The following TCF7L2 variants were observed in gnomAD, a reference collection of about 807,000 sequenced individuals.
TCF7L2 encodes the protein transcription factor 7 like 2.
Under a neutral mutation model 77.9 loss-of-function variants are expected in TCF7L2, and 23 were observed. The ratio of observed to expected loss-of-function variants is 0.30; its 90% CI spans 0.21 to 0.42. TCF7L2 has a LOEUF of 0.42. TCF7L2 is among the 10% of genes least tolerant of loss of function. TCF7L2 has a pLI of 1.00. For synonymous variants in TCF7L2, 413 were observed against 340.2 expected, an observed-to-expected ratio of 1.21 and a Z score of -2.36; for missense variants, 654 against 793.1, an observed-to-expected ratio of 0.82 and a Z score of 2.11.
At chr10:113,100,013 CCTCTCT>C (rs894234241) in intron 5 of TCF7L2, among the ~76,000 whole-genome samples, 25 of 152,292 alleles carry the variant, frequency 1.6e-4, no homozygotes, top group African/African-American at 5.8e-4. Context: ...ACTCCCTCTA[CCTCTCT>C]CTTAGCAGGC....
intron 5 of TCF7L2, among the ~76,000 whole-genome samples, chr10:113,063,778 C>A (rs2056843482): frequency 6.6e-6 from 1 of 152,044 alleles, no homozygotes; most frequent in Non-Finnish European, 1.5e-5. Context: ...TGAAAGAGTT[C>A]TTTAGGAAAA....
chr10:112,970,891 A>T (rs916008975), intron 4 of TCF7L2, among the ~76,000 whole-genome samples: 34 of 152,218 alleles, frequency 2.2e-4, no homozygotes, highest in African/African-American at 7.7e-4. Flanking sequence ...GCTGTAGCAG[A>T]CTTAGGCTGT....
At chr10:113,098,121 T>C (rs972988356) in intron 5 of TCF7L2, among the ~76,000 whole-genome samples, 1 of 151,714 alleles carries the variant, frequency 6.6e-6, no homozygotes, top group East Asian at 1.9e-4. Context: ...AGGTAGGTCC[T>C]TTCCCTGCCC....
chr10:113,080,215 C>A (rs549752390), intron 5 of TCF7L2, among the ~76,000 whole-genome samples: 2 of 151,842 alleles, frequency 1.3e-5, no homozygotes, highest in Non-Finnish European at 2.9e-5. Context: ...TTTTGGGTGG[C>A]GCAAGAGATA....
chr10:113,008,736 T>C (rs1357259860), intron 4 of TCF7L2, among the ~76,000 whole-genome samples: 1 of 152,192 alleles, frequency 6.6e-6, no homozygotes, highest in East Asian at 1.9e-4. Context: ...AAAACCATGC[T>C]TGGGAGCGCC....
At chr10:113,012,723 C>T (rs2046664981) in intron 4 of TCF7L2, among the ~76,000 whole-genome samples, 1 of 152,158 alleles carries the variant, frequency 6.6e-6, no homozygotes, top group African/African-American at 2.4e-5. Flanking sequence ...CTAAACCATT[C>T]ATTTCTGTAG....
At chr10:112,995,946 C>T (rs2043390716) in intron 4 of TCF7L2, among the ~76,000 whole-genome samples, 1 of 152,186 alleles carries the variant, frequency 6.6e-6, no homozygotes, top group Non-Finnish European at 1.5e-5. Flanking sequence ...TTTCCAGTGA[C>T]TGTAGGGATA....
intron 5 of TCF7L2, among the ~76,000 whole-genome samples, chr10:113,111,336 C>T (rs1428709131): frequency 1.3e-5 from 2 of 152,114 alleles, no homozygotes; most frequent in East Asian, 3.8e-4. Flanking sequence ...CTATCTATCC[C>T]TAGTGCCTAG....
intron 5 of TCF7L2, 96 bp downstream of exon 5, chr10:113,040,222 CT>C: frequency 1.9e-6 from 2 of 1,080,102 alleles, no homozygotes; most frequent in Non-Finnish European, 2.7e-6. Flanking sequence ...TCATTTTTTT[CT>C]TTCTTTAAAC....
At chr10:113,043,485 G>A (rs967559896) in intron 5 of TCF7L2, among the ~76,000 whole-genome samples, 2 of 152,174 alleles carry the variant, frequency 1.3e-5, no homozygotes, top group Non-Finnish European at 2.9e-5. Flanking sequence ...GTGTTCAGAG[G>A]AGAGAGGAAA....
chr10:113,116,451 T>C (rs575039013), intron 5 of TCF7L2, among the ~76,000 whole-genome samples: 1 of 152,366 alleles, frequency 6.6e-6, no homozygotes, highest in African/African-American at 2.4e-5. Flanking sequence ...TTAAAATATG[T>C]AGTCTCTGTT....
intron 13 of TCF7L2, among the ~76,000 whole-genome samples, chr10:113,164,377 A>G (rs929970367): frequency 1.3e-5 from 2 of 152,180 alleles, no homozygotes; most frequent in Non-Finnish European, 2.9e-5. Context: ...TTTCTGGTTT[A>G]AACACGAATC....
intron 5 of TCF7L2, among the ~76,000 whole-genome samples, chr10:113,097,868 A>G (rs1184537430): frequency 1.3e-5 from 2 of 151,218 alleles, no homozygotes; most frequent in African/African-American, 2.4e-5. Flanking sequence ...CCTGGCCAAC[A>G]TGGTGAAACC....
At chr10:113,081,344 G>C (rs2059300234) in intron 5 of TCF7L2, among the ~76,000 whole-genome samples, 1 of 152,184 alleles carries the variant, frequency 6.6e-6, no homozygotes, top group South Asian at 2.1e-4. Context: ...GAGAAGGAGC[G>C]TACCTTTAGC....
intron 5 of TCF7L2, among the ~76,000 whole-genome samples, chr10:113,062,767 G>C (rs146364391): frequency 9.9e-5 from 15 of 152,250 alleles, no homozygotes; most frequent in African/African-American, 3.1e-4. Flanking sequence ...GGGCTCTGTG[G>C]TCTATTACAG....
At chr10:113,150,064 A>G (rs897366643) in intron 8 of TCF7L2, among the ~76,000 whole-genome samples, 2 of 152,206 alleles carry the variant, frequency 1.3e-5, no homozygotes, top group African/African-American at 4.8e-5. Flanking sequence ...TGTCCTGGCT[A>G]ATGTACTTGG....
rs2030634293 is a variant in TCF7L2, at chr10:112,950,328, T to C, written c.-429T>C. On this transcript the variant is annotated 5_prime_UTR_variant, in exon 1 of 14. Coordinates refer to ENST00000627217, the MANE Select transcript of TCF7L2 (RefSeq NM_001146274.2). ...TCTATCTGTCAATCAGCGCCGCCTT[T>C]GAACTGAAAAGCTCTCAGTCTAACT... is the stretch of plus-strand genomic sequence containing the variant. The C allele has an allele frequency of 4.2e-6, 1 of 238,768 alleles. No individual in the cohort carries two copies. 14.8% of individuals were successfully genotyped at this position (238,768 alleles called of 1,614,324 possible).
In TCF7L2 at chr10:113,126,752, C is replaced by A; in HGVS notation, c.553-14432C>A. ...GTGCCGCGGGTGCGCGGCGGCGGCG[C>A]GGGCTGCAGGGCGGGTGCTGCCCTC... On this transcript the variant is annotated intron_variant, in intron 5 of 13. Coordinates refer to ENST00000627217, the MANE Select transcript of TCF7L2 (RefSeq NM_001146274.2). 3 of 985,596 alleles carry A rather than the reference C, an allele frequency of 3.0e-6. No individual in the cohort carries two copies. The Middle Eastern group carries it at 1.6e-3, about 514-fold the overall frequency. 61.1% of individuals were successfully genotyped at this position (985,596 alleles called of 1,614,324 possible).
At chr10:112,978,591 C>T (rs1247344612) in intron 4 of TCF7L2, among the ~76,000 whole-genome samples, 16 of 151,168 alleles carry the variant, frequency 1.1e-4, no homozygotes, top group Non-Finnish European at 2.2e-4. Context: ...TCAGCCCTCC[C>T]GAGTAGCTGG....
Sources: allele counts gnomAD v4.1 joint callset (sites outside exome capture counted in the v4.1 genomes callset), GRCh38; gene constraint gnomAD v4.1.1; transcripts MANE v1.5; gene names NCBI Gene and HGNC (gene_info 2026-07-23, HGNC 2026-07-21).